Variants in ERBB4 observed in about 807,000 individuals in gnomAD.
ERBB4 encodes receptor tyrosine-protein kinase erbB-4.
A neutral mutation model predicts 158.0 loss-of-function variants in ERBB4; 42 were observed. The ratio of observed to expected loss-of-function variants is 0.27; its 90% CI spans 0.21 to 0.34. The LOEUF is 0.34. Ranked by LOEUF, ERBB4 falls within the 10% of genes least tolerant of loss-of-function variation. ERBB4 has a pLI of 1.00. For synonymous variants in ERBB4, 583 were observed against 558.7 expected (o/e 1.04, Z -0.61); for missense variants, 1,333 against 1,624.1 (o/e 0.82, Z 3.08).
chr2:211,392,706 T>C (rs1196851531), intron 25 of ERBB4, among the ~76,000 whole-genome samples: 1 of 152,110 alleles, frequency 6.6e-6, no homozygotes. Context: ...TCTTGCTCTG[T>C]TGCCCAGGCT....
chr2:212,058,408 G>A (rs922283573), intron 2 of ERBB4, among the ~76,000 whole-genome samples: 10 of 151,130 alleles, frequency 6.6e-5, no homozygotes, highest in African/African-American at 7.4e-5. Context: ...CCAATCAATC[G>A]AAAAAGAGGG....
intron 25 of ERBB4, among the ~76,000 whole-genome samples, chr2:211,398,573 T>C (rs1490395125): frequency 6.6e-6 from 1 of 152,104 alleles, no homozygotes; most frequent in African/African-American, 2.4e-5. Flanking sequence ...CTAGGCAAGG[T>C]GGCTCATGAC....
intron 1 of ERBB4, among the ~76,000 whole-genome samples, chr2:212,224,935 T>A (rs913140466): frequency 1.3e-5 from 2 of 152,100 alleles, no homozygotes; most frequent in Admixed American, 1.3e-4. Flanking sequence ...ATGTGTATTA[T>A]CATGCTCTTG....
chr2:212,271,221 G>A (rs1308458914), intron 1 of ERBB4, among the ~76,000 whole-genome samples: 1 of 151,672 alleles, frequency 6.6e-6, no homozygotes, highest in Non-Finnish European at 1.5e-5. Context: ...TATAATGCCT[G>A]ACAAAACAAG....
intron 20 of ERBB4, among the ~76,000 whole-genome samples, chr2:211,453,392 A>G (rs967660322): frequency 6.6e-6 from 1 of 152,110 alleles, no homozygotes; most frequent in Non-Finnish European, 1.5e-5. Context: ...ATTTTGGTTT[A>G]TTTAATTTCA....
chr2:212,148,986 AG>A (rs2080775974), intron 1 of ERBB4, among the ~76,000 whole-genome samples: 1 of 113,022 alleles, frequency 8.8e-6, no homozygotes, highest in Non-Finnish European at 1.8e-5. Context: ...GGACACAGGA[AG>A]GGGAACATCA....
intron 5 of ERBB4, among the ~76,000 whole-genome samples, chr2:211,741,417 T>C (rs1415518247): frequency 6.6e-6 from 1 of 151,104 alleles, no homozygotes; most frequent in African/African-American, 2.4e-5. Context: ...AATCTATATC[T>C]GTATCTGTAT....
At chr2:211,793,684 T>C (rs2076324502) in intron 3 of ERBB4, among the ~76,000 whole-genome samples, 1 of 151,956 alleles carries the variant, frequency 6.6e-6, no homozygotes, top group African/African-American at 2.4e-5. Flanking sequence ...TGATACTTAA[T>C]ACATGATCTC....
chr2:212,033,799 G>C (rs1354850075), intron 2 of ERBB4, among the ~76,000 whole-genome samples: 2 of 151,562 alleles, frequency 1.3e-5, no homozygotes, highest in Admixed American at 1.3e-4. Context: ...TTTGATCTTT[G>C]GTAAATTATT....
chr2:211,971,060 G>A (rs542145087), intron 2 of ERBB4, among the ~76,000 whole-genome samples: 21 of 152,266 alleles, frequency 1.4e-4, no homozygotes, highest in African/African-American at 4.8e-4. Flanking sequence ...GCTCTTGCAA[G>A]GCAGGTCTGG....
At chr2:211,870,070 C>T (rs2078305366) in intron 3 of ERBB4, among the ~76,000 whole-genome samples, 1 of 152,100 alleles carries the variant, frequency 6.6e-6, no homozygotes, top group Non-Finnish European at 1.5e-5. Context: ...CCAATTGTTT[C>T]CTTCTTCCTT....
At chr2:212,036,872 G>A (rs2077026812) in intron 2 of ERBB4, among the ~76,000 whole-genome samples, 1 of 152,104 alleles carries the variant, frequency 6.6e-6, no homozygotes, top group Non-Finnish European at 1.5e-5. Flanking sequence ...AAAATCTGGG[G>A]ACAAAGGACA....
At chr2:212,418,511 CTAAAA>C (rs908285177) in intron 1 of ERBB4, among the ~76,000 whole-genome samples, 162 of 148,760 alleles carry the variant, frequency 1.1e-3, no homozygotes, top group African/African-American at 3.4e-3. Context: ...GTCTGCCTTG[CTAAAA>C]TAAAATAAAA....
chr2:212,442,013 C>A (rs2092264698), intron 1 of ERBB4, among the ~76,000 whole-genome samples: 1 of 152,158 alleles, frequency 6.6e-6, no homozygotes, highest in African/African-American at 2.4e-5. Context: ...AGTCACTCAA[C>A]TACAAAATTT....
chr2:211,420,721 A>G, intron 24 of ERBB4, 110 bp from the exon 25 acceptor site: 1 of 977,570 alleles, frequency 1.0e-6, no homozygotes, highest in South Asian at 1.4e-5. Flanking sequence ...AAAAATTCAT[A>G]CACACATTTT....
At chr2:212,279,509 T>G (rs748956403) in intron 1 of ERBB4, among the ~76,000 whole-genome samples, 1 of 151,696 alleles carries the variant, frequency 6.6e-6, no homozygotes, top group Non-Finnish European at 1.5e-5. Context: ...ATAATTATCA[T>G]CAAAGCAATA....
intron 19 of ERBB4, among the ~76,000 whole-genome samples, chr2:211,607,865 ATTTTTTTT>A (rs1553589856): frequency 1.3e-5 from 1 of 74,204 alleles, no homozygotes; most frequent in Non-Finnish European, 3.0e-5. Context: ...TTCGCATCAG[ATTTTTTTT>A]TTTTTTTTTT....
At chr2:211,411,084 C>T (rs1397339835) in intron 25 of ERBB4, among the ~76,000 whole-genome samples, 3 of 151,988 alleles carry the variant, frequency 2.0e-5, no homozygotes, top group African/African-American at 7.2e-5. Flanking sequence ...AATTTTTGTA[C>T]TTTTAGTAGA....
intron 2 of ERBB4, among the ~76,000 whole-genome samples, chr2:212,002,574 G>A (rs1254662164): frequency 1.3e-5 from 2 of 151,930 alleles, no homozygotes; most frequent in East Asian, 3.9e-4. Flanking sequence ...ACGTTTTGAA[G>A]GAAAAGCAAC....
Sources: gnomAD v4.1 joint callset for allele counts (sites outside exome capture counted in the v4.1 genomes callset) on GRCh38, gnomAD v4.1.1 for gene constraint, MANE v1.5 for transcripts, NCBI Gene and HGNC (gene_info 2026-07-23, HGNC 2026-07-21) for gene names.